The following FILIP1L variants were observed in gnomAD, a reference collection of about 807,000 sequenced individuals.
FILIP1L encodes the protein filamin A-interacting protein 1-like.
Under a neutral mutation model 96.6 loss-of-function variants are expected in FILIP1L, and 55 were observed. The observed-to-expected ratio is 0.57, with a 90% CI of 0.46 to 0.71. The LOEUF (loss-of-function observed/expected upper bound fraction) is 0.71. Ranked by LOEUF, FILIP1L falls within the 30% of genes least tolerant of loss-of-function variation. FILIP1L has a pLI of 0.00. For synonymous variants in FILIP1L, 467 were observed against 473.9 expected, an observed-to-expected ratio of 0.99 and a Z score of 0.19; for missense variants, 1,304 against 1,321.2, an observed-to-expected ratio of 0.99 and a Z score of 0.20.
intron 1 of FILIP1L, among the ~76,000 whole-genome samples, chr3:100,077,715 GC>G (rs1173348690): frequency 3.3e-5 from 5 of 152,108 alleles, no homozygotes; most frequent in African/African-American, 1.2e-4. Flanking sequence ...TTCAAGACCA[GC>G]CTGGGCAACA....
intron 4 of FILIP1L, among the ~76,000 whole-genome samples, chr3:99,916,009 C>T (rs1050917483): frequency 3.9e-5 from 6 of 152,132 alleles, no homozygotes; most frequent in Non-Finnish European, 7.4e-5. Flanking sequence ...AAGAAAGATA[C>T]GTGTAATGGT....
At chr3:99,931,099 C>G (rs937312708) in intron 1 of FILIP1L, 69 bp from the exon 2 acceptor site, 3 of 1,280,196 alleles carry the variant, frequency 2.3e-6, no homozygotes, top group Non-Finnish European at 3.3e-6. Flanking sequence ...CCTATTACTG[C>G]TTTAACAAGT....
intron 1 of FILIP1L, among the ~76,000 whole-genome samples, chr3:100,081,069 A>G (rs1389889208): frequency 2.0e-5 from 3 of 152,304 alleles, no homozygotes; most frequent in East Asian, 1.9e-4. Context: ...TCAACAGCCA[A>G]TGTTATATCC....
At chr3:100,083,009 A>G (rs2065955425) in intron 1 of FILIP1L, among the ~76,000 whole-genome samples, 1 of 152,218 alleles carries the variant, frequency 6.6e-6, no homozygotes. Flanking sequence ...AGTTTAGTCT[A>G]GTACTTTGGG....
At chr3:99,873,835 A>G (rs1220387994) in intron 4 of FILIP1L, among the ~76,000 whole-genome samples, 3 of 152,238 alleles carry the variant, frequency 2.0e-5, no homozygotes, top group Non-Finnish European at 2.9e-5. Flanking sequence ...AAATAGCACA[A>G]AAATACCAGG....
chr3:100,056,947 T>C lies in FILIP1L; in HGVS notation c.-11+57106A>G, dbSNP rs548142854. ...TGAACCTGGGAGGCGGAGCTTGCAGTGAGCCGAGATCGCACCACTGCACTC... is the reference window on the plus strand; with the variant it reads ...TGAACCTGGGAGGCGGAGCTTGCAGCGAGCCGAGATCGCACCACTGCACTC... On this transcript the variant is annotated intron_variant, in intron 1 of 5. Transcript: ENST00000477258. Among the ~76,000 whole-genome samples the C allele has an allele frequency of 9.9e-5, 15 of 151,916 alleles. No individual in the cohort carries two copies. In the South Asian group the frequency reaches 2.9e-3, roughly 30 times the overall value.
intron 1 of FILIP1L, among the ~76,000 whole-genome samples, chr3:99,947,583 G>T (rs1423733020): frequency 6.6e-6 from 1 of 152,150 alleles, no homozygotes; most frequent in African/African-American, 2.4e-5. Flanking sequence ...ACTGTCCTCG[G>T]CTGAGAAAAA....
intron 4 of FILIP1L, among the ~76,000 whole-genome samples, chr3:99,881,177 A>C (rs1705713900): frequency 6.6e-6 from 1 of 152,226 alleles, no homozygotes; most frequent in South Asian, 2.1e-4. Context: ...TCTAGTGAGC[A>C]TACTAGTAGG....
chr3:100,056,767 A>G (rs1407542355), intron 1 of FILIP1L, among the ~76,000 whole-genome samples: 1 of 152,016 alleles, frequency 6.6e-6, no homozygotes, highest in African/African-American at 2.4e-5. Context: ...TGGGAGGCCA[A>G]GGCAGGCCGG....
intron 4 of FILIP1L, among the ~76,000 whole-genome samples, chr3:99,923,483 G>A (rs1707187894): frequency 6.6e-6 from 1 of 152,140 alleles, no homozygotes; most frequent in South Asian, 2.1e-4. Context: ...GTGCTTCTCA[G>A]TAACTCCTTG....
At chr3:100,081,364 G>A (rs1156921400) in intron 1 of FILIP1L, among the ~76,000 whole-genome samples, 1 of 152,136 alleles carries the variant, frequency 6.6e-6, no homozygotes, top group Non-Finnish European at 1.5e-5. Flanking sequence ...GTCAGTTTAT[G>A]CTTTTGGAAA....
chr3:100,037,022 A>C (rs2065119254), intron 1 of FILIP1L, among the ~76,000 whole-genome samples: 1 of 152,234 alleles, frequency 6.6e-6, no homozygotes. Context: ...TCAGATTAAA[A>C]GAAACCAAAG....
intron 1 of FILIP1L, among the ~76,000 whole-genome samples, chr3:99,949,513 T>C (rs954280599): frequency 3.9e-5 from 6 of 152,200 alleles, no homozygotes; most frequent in Admixed American, 1.3e-4. Context: ...GCAATTTTAC[T>C]CGCAGTACGT....
chr3:99,976,151 C>T (rs1466224895), intron 1 of FILIP1L, among the ~76,000 whole-genome samples: 1 of 152,124 alleles, frequency 6.6e-6, no homozygotes, highest in Non-Finnish European at 1.5e-5. Flanking sequence ...TCCCAAAGTA[C>T]TCATAAGCCA....
At chr3:100,003,808 A>G (rs1477919614) in intron 1 of FILIP1L, among the ~76,000 whole-genome samples, 2 of 152,204 alleles carry the variant, frequency 1.3e-5, no homozygotes, top group Non-Finnish European at 2.9e-5. Flanking sequence ...AGCAATAACC[A>G]TTAAGTTCTA....
At chr3:99,859,342 G>A (rs1191385601) in intron 4 of FILIP1L, among the ~76,000 whole-genome samples, 3 of 152,208 alleles carry the variant, frequency 2.0e-5, no homozygotes, top group Non-Finnish European at 4.4e-5. Flanking sequence ...TATTCTCCCA[G>A]TAACAACCAA....
chr3:100,044,767 G>A lies in FILIP1L; in HGVS notation c.-11+69286C>T, dbSNP rs539887641. ...CTCATCACACAGTAGATGAGAGAAGGAAACCAATGTGAAAAAGGCTGGTGC... is the reference window on the plus strand; with the variant it reads ...CTCATCACACAGTAGATGAGAGAAGAAAACCAATGTGAAAAAGGCTGGTGC... On this transcript the variant is annotated intron_variant, in intron 1 of 5. Transcript: ENST00000477258. Among the ~76,000 whole-genome samples, 53 of 152,236 alleles carry A rather than the reference G, an allele frequency of 3.5e-4. 1 individual carries two copies. The South Asian group carries it at 0.011, about 31-fold the overall frequency.
chr3:99,930,072 C>T, intron 2 of FILIP1L, 43 bp from the exon 3 acceptor site: 1 of 1,485,384 alleles, frequency 6.7e-7, no homozygotes, highest in East Asian at 2.4e-5. Context: ...CTGTCTCTAC[C>T]AGCAGTCTCA....
At chr3:100,085,091 G>A (rs189359489) in intron 1 of FILIP1L, among the ~76,000 whole-genome samples, 2 of 152,276 alleles carry the variant, frequency 1.3e-5, no homozygotes, top group Non-Finnish European at 2.9e-5. Context: ...CCCCTAAAGT[G>A]GTGGTTTCCA....
Sources: gnomAD v4.1 joint callset for allele counts (sites outside exome capture counted in the v4.1 genomes callset) on GRCh38, gnomAD v4.1.1 for gene constraint, MANE v1.5 for transcripts, NCBI Gene and HGNC (gene_info 2026-07-23, HGNC 2026-07-21) for gene names.